The following ZNF804A variants were observed in gnomAD, a reference collection of about 807,000 sequenced individuals.
ZNF804A encodes the protein zinc finger protein 804A.
A neutral mutation model predicts 16.5 loss-of-function variants in ZNF804A; 2 were observed. The ratio of observed to expected loss-of-function variants is 0.12; its 90% CI spans 0.05 to 0.38. ZNF804A has a LOEUF of 0.38. Among genes scored for constraint, ZNF804A ranks in the 10% least tolerant of loss-of-function variants. The pLI is 0.99. For synonymous variants in ZNF804A, 534 were observed against 489.6 expected, an observed-to-expected ratio of 1.09 and a Z score of -1.20; for missense variants, 1,473 against 1,390.7, an observed-to-expected ratio of 1.06 and a Z score of -0.94.
chr2:184,845,035 A>G (rs908668637), intron 1 of ZNF804A, among the ~76,000 whole-genome samples: 2 of 151,892 alleles, frequency 1.3e-5, no homozygotes, highest in Non-Finnish European at 2.9e-5. Flanking sequence ...TTTAAGGTAT[A>G]TTTAATTTCT....
chr2:184,626,627 TG>T (rs999112545), intron 1 of ZNF804A, among the ~76,000 whole-genome samples: 1 of 152,180 alleles, frequency 6.6e-6, no homozygotes, highest in African/African-American at 2.4e-5. Flanking sequence ...TTTTTTGTAA[TG>T]GTCACAAATT....
At chr2:184,676,295 CT>C (rs34355159) in intron 1 of ZNF804A, among the ~76,000 whole-genome samples, 30 of 149,254 alleles carry the variant, frequency 2.0e-4, no homozygotes, top group East Asian at 5.9e-4. Context: ...TCTTGCTTCA[CT>C]TTTTTTTTTC....
intron 1 of ZNF804A, among the ~76,000 whole-genome samples, chr2:184,674,543 A>G (rs1692389914): frequency 6.6e-6 from 1 of 151,910 alleles, no homozygotes; most frequent in African/African-American, 2.4e-5. Flanking sequence ...GAAACTTGAG[A>G]TTGTGTGAAA....
At chr2:184,805,968 G>T (rs1309454363) in intron 1 of ZNF804A, among the ~76,000 whole-genome samples, 1 of 151,886 alleles carries the variant, frequency 6.6e-6, no homozygotes, top group Non-Finnish European at 1.5e-5. Flanking sequence ...TTCTGTAGAG[G>T]ATCAAGAAGC....
intron 1 of ZNF804A, among the ~76,000 whole-genome samples, chr2:184,851,803 A>G (rs1432921861): frequency 4.6e-5 from 7 of 151,818 alleles, no homozygotes. Context: ...ATACCCACCA[A>G]CAGAACACAA....
intron 1 of ZNF804A, among the ~76,000 whole-genome samples, chr2:184,844,848 T>G (rs1009843829): frequency 6.6e-6 from 1 of 151,960 alleles, no homozygotes; most frequent in African/African-American, 2.4e-5. Context: ...ATTCTAAATA[T>G]ACATATGTTA....
intron 1 of ZNF804A, among the ~76,000 whole-genome samples, chr2:184,615,019 A>G (rs887591692): frequency 6.6e-6 from 1 of 152,214 alleles, no homozygotes; most frequent in Non-Finnish European, 1.5e-5. Context: ...CATTTGACCC[A>G]GCAGTCCCAT....
At chr2:184,769,998 T>C (rs905280304) in intron 1 of ZNF804A, among the ~76,000 whole-genome samples, 14 of 152,086 alleles carry the variant, frequency 9.2e-5, no homozygotes, top group Non-Finnish European at 1.3e-4. Flanking sequence ...AGTTATAATT[T>C]TGAGTTTCGA....
chr2:184,770,232 T>A (rs183700671), intron 1 of ZNF804A, among the ~76,000 whole-genome samples: 3 of 152,146 alleles, frequency 2.0e-5, no homozygotes, highest in Admixed American at 2.0e-4. Flanking sequence ...TGTGTGTGAG[T>A]TTTGGTGCTC....
At chr2:184,746,989 T>G (rs148891447) in intron 1 of ZNF804A, among the ~76,000 whole-genome samples, 97 of 151,516 alleles carry the variant, frequency 6.4e-4, no homozygotes, top group African/African-American at 2.2e-3. Context: ...CATGTTTTAC[T>G]TGAAGCTCTG....
chr2:184,605,322 T>G (rs1192976389), intron 1 of ZNF804A, among the ~76,000 whole-genome samples: 1 of 152,108 alleles, frequency 6.6e-6, no homozygotes, highest in Admixed American at 6.5e-5. Flanking sequence ...CTAACCACAA[T>G]AATAAATATA....
At chr2:184,661,165 C>T (rs919494996) in intron 1 of ZNF804A, among the ~76,000 whole-genome samples, 3 of 152,104 alleles carry the variant, frequency 2.0e-5, no homozygotes, top group East Asian at 3.9e-4. Context: ...GAGGGAATGG[C>T]GTCCAGTGGC....
Position 184,823,234 on chromosome 2 carries a change from C to T in ZNF804A, c.112-43135C>T, listed in dbSNP as rs144568632. Among the ~76,000 whole-genome samples the T allele has an allele frequency of 4.5e-3, 689 of 151,986 alleles. 20 individuals carry two copies. Among genetic ancestry groups the T allele is most frequent in the East Asian group, 0.01 (53 of 5,166 alleles). On this transcript the variant is annotated intron_variant, in intron 1 of 3. Coordinates refer to ENST00000302277, the MANE Select transcript of ZNF804A (RefSeq NM_194250.2). ...CAAAGGGAGGGAAAGGCAGAAAGGG[C>T]CCACCTAGATTGATCCAGTGATTTT... is the stretch of plus-strand genomic sequence containing the variant.
At chr2:184,930,818 T>C (rs543605484) in intron 2 of ZNF804A, among the ~76,000 whole-genome samples, 3 of 152,386 alleles carry the variant, frequency 2.0e-5, no homozygotes, top group Middle Eastern at 6.8e-3. Flanking sequence ...ATGTATATGG[T>C]ATTTATTAAA....
At chr2:184,910,224 A>G (rs994562611) in intron 2 of ZNF804A, among the ~76,000 whole-genome samples, 4 of 151,968 alleles carry the variant, frequency 2.6e-5, no homozygotes, top group East Asian at 1.9e-4. Flanking sequence ...AACATGTGGT[A>G]TTTCCTTTTC....
At chr2:184,809,435 A>G (rs1694858887) in intron 1 of ZNF804A, among the ~76,000 whole-genome samples, 1 of 151,858 alleles carries the variant, frequency 6.6e-6, no homozygotes, top group Non-Finnish European at 1.5e-5. Context: ...ATTGCCTAGG[A>G]GGCACAAAGA....
chr2:184,813,993 C>CTTTTTTTTTTTTTTTTTT (rs1163432699), intron 1 of ZNF804A, among the ~76,000 whole-genome samples: 1 of 49,186 alleles, frequency 2.0e-5, no homozygotes, highest in Non-Finnish European at 3.7e-5. Flanking sequence ...AGAAAGGCAG[C>CTTTTTTTTTTTTTTTTTT]TTTTTTTTTT....
intron 2 of ZNF804A, among the ~76,000 whole-genome samples, chr2:184,878,078 A>G (rs191052017): frequency 2.1e-4 from 32 of 152,174 alleles, no homozygotes; most frequent in African/African-American, 7.5e-4. Flanking sequence ...ATCAATCTCA[A>G]TTTGACAGCA....
chr2:184,755,952 A>C (rs1574197054), intron 1 of ZNF804A, among the ~76,000 whole-genome samples: 1 of 152,094 alleles, frequency 6.6e-6, no homozygotes, highest in East Asian at 1.9e-4. Flanking sequence ...AAAAATACAT[A>C]TTTTCTTCAT....
Sources: gnomAD v4.1 joint callset for allele counts (sites outside exome capture counted in the v4.1 genomes callset) on GRCh38, gnomAD v4.1.1 for gene constraint, MANE v1.5 for transcripts, NCBI Gene and HGNC (gene_info 2026-07-23, HGNC 2026-07-21) for gene names.